GSTM3: variants seen among roughly 807,000 people sequenced by gnomAD.
GSTM3 encodes the protein glutathione S-transferase mu 3.
A neutral mutation model predicts 36.1 loss-of-function variants in GSTM3; 34 were observed. The ratio of observed to expected loss-of-function variants is 0.94; its 90% CI spans 0.72 to 1.25. The LOEUF is 1.25. Ranked by LOEUF, GSTM3 falls within the 50% of genes most tolerant of loss-of-function variation. The pLI is 0.00. For missense variants in GSTM3, 266 were observed against 281.6 expected (o/e 0.94, Z 0.40); for synonymous variants, 102 against 99.5 (o/e 1.03, Z -0.15).
chr1:109,738,588 T>C (rs553520372), intron 4 of GSTM3, among the ~76,000 whole-genome samples: 1 of 152,314 alleles, frequency 6.6e-6, no homozygotes, highest in Admixed American at 6.5e-5. Context: ...GTGCATGCCA[T>C]GGACCTTTTC....
chr1:109,738,056 A>C, intron 6 of GSTM3, 35 bp downstream of exon 6: 1 of 1,362,948 alleles, frequency 7.3e-7, no homozygotes, highest in Non-Finnish European at 1.1e-6. Flanking sequence ...TTTTTCTGAT[A>C]CTCCATTCAG....
chr1:109,737,796 A>G, intron 6 of GSTM3, 45 bp from the exon 7 acceptor site: 4 of 1,203,170 alleles, frequency 3.3e-6, no homozygotes, highest in Non-Finnish European at 4.8e-6. Context: ...TCATCTTTGT[A>G]GTTAATCAGG....
Position 109,735,298 on chromosome 1 carries a change from C to T in GSTM3, c.*1773G>A, listed in dbSNP as rs1224064064. The T allele has an allele frequency of 6.6e-6, 1 of 152,192 alleles. No homozygotes were observed. Among genetic ancestry groups the T allele is most frequent in the Non-Finnish European group, 1.5e-5 (1 of 68,098 alleles). The allele number at this position is 152,192 out of a possible 1,614,324, so 9.4% of individuals were successfully genotyped here. A position where few individuals can be genotyped will look rare whatever the true frequency, so the allele number is the denominator to read the frequency against. On this transcript the variant is annotated 3_prime_UTR_variant, in exon 9 of 9. Coordinates refer to ENST00000361066, the MANE Select transcript of GSTM3 (RefSeq NM_000849.5). ...TCAAGTGATCCTCCCACCTCAGCCT[C>T]CTGGGTAGCTGGGACTATGCATGAG...
At chr1:109,740,551 T>G in intron 1 of GSTM3, 40 bp from the exon 2 acceptor site, 1 of 515,232 alleles carries the variant, frequency 1.9e-6, no homozygotes, top group Non-Finnish European at 3.4e-6. Flanking sequence ...GGCTCCTCCC[T>G]TCCCCGCGGG....
Position 109,737,563 on chromosome 1 carries a change from G to T in GSTM3, c.473C>A (p.Thr158Asn), listed in dbSNP as rs1211474846. 1.2e-6 allele frequency: 2 copies of T among 1,607,928 alleles called. No individual in the cohort carries two copies. The highest frequency in any genetic ancestry group is 2.2e-5 in the East Asian group (1 of 44,874). Residue 158 changes from threonine (T) to asparagine (N), a missense_variant, in exon 8 of 9, where the codon ACC (threonine) becomes AAC (asparagine). Thr to Asn is a moderately conservative substitution (Grantham distance 65). Transcript: ENST00000361066. ...KFSWFAGEKL[T>N]FVDFLTYDIL... ...ATCATAGGTGAGAAAATCCACAAAG[G>T]TGAGCTAGAAGAAAAGCAATAAGAT... is the stretch of plus-strand genomic sequence containing the variant.
Position 109,738,274 on chromosome 1 carries a change from AC to A in GSTM3, c.271+10del, listed in dbSNP as rs1292161769. ...CAGCCTGGGGTCCCTCACCAGCCCTACCCCACTCACACATGTTGTGCTTGCG... is the reference window on the plus strand; with the variant it reads ...CAGCCTGGGGTCCCTCACCAGCCCTACCCACTCACACATGTTGTGCTTGCG... On this transcript the variant is annotated intron_variant, in intron 5 of 8. Transcript: ENST00000361066. 3 of 1,611,156 alleles carry A rather than the reference AC, an allele frequency of 1.9e-6. No individual in the cohort carries two copies. Among genetic ancestry groups the A allele is most frequent in the South Asian group, 2.2e-5 (2 of 91,028 alleles).
Position 109,733,990 on chromosome 1 carries a change from A to C in GSTM3, c.*3081T>G, listed in dbSNP as rs1649138123. 6.6e-6 allele frequency: 1 copy of C among 152,228 alleles called. No individual in the cohort carries two copies. The highest frequency in any genetic ancestry group is 6.5e-5 in the Admixed American group (1 of 15,284). The allele number at this position is 152,228 out of a possible 1,614,324, so 9.4% of individuals were successfully genotyped here. On this transcript the variant is annotated 3_prime_UTR_variant, in exon 9 of 9. Transcript: ENST00000361066. Reference sequence around the variant, plus strand: ...AAAAAGGAAAGCTCTCAGCAAAGACAGGGGTCTTGAAAGCAGGTTGCCAGT... The same window carrying C: ...AAAAAGGAAAGCTCTCAGCAAAGACCGGGGTCTTGAAAGCAGGTTGCCAGT...
rs1649267234 is a variant in GSTM3 at position 109,738,280 on chromosome 1, C to T, written c.271+5G>A. 5.0e-6 allele frequency: 8 copies of T among 1,612,622 alleles called. No homozygotes were observed. In the Admixed American group the frequency reaches 1.2e-4, roughly 24 times the overall value. ...GGGGTCCCTCACCAGCCCTACCCCACTCACACATGTTGTGCTTGCGAGCGA... is the reference window on the plus strand; with the variant it reads ...GGGGTCCCTCACCAGCCCTACCCCATTCACACATGTTGTGCTTGCGAGCGA... On this transcript the variant is annotated splice_donor_5th_base_variant and intron_variant, in intron 5 of 8. Transcript: ENST00000361066.
intron 4 of GSTM3, 75 bp from the exon 5 acceptor site, chr1:109,738,441 G>T: frequency 2.1e-6 from 2 of 956,014 alleles, no homozygotes; most frequent in Non-Finnish European, 3.4e-6. Flanking sequence ...CAGGGGAAAA[G>T]AACACTTGCA....
At chr1:109,738,714 A>G (rs1344225164) in intron 4 of GSTM3, among the ~76,000 whole-genome samples, 1 of 152,266 alleles carries the variant, frequency 6.6e-6, no homozygotes, top group African/African-American at 2.4e-5. Flanking sequence ...AATAGCAAGC[A>G]GATGTAATGA....
intron 2 of GSTM3, 107 bp from the exon 3 acceptor site, chr1:109,740,015 G>C (rs937843897): frequency 2.2e-5 from 23 of 1,041,590 alleles, no homozygotes; most frequent in Non-Finnish European, 2.6e-5. Context: ...TCCTGCCGGG[G>C]CGGTGGTTAA....
At chr1:109,739,365 A>G in intron 4 of GSTM3, 64 bp downstream of exon 4, 2 of 1,083,778 alleles carry the variant, frequency 1.8e-6, no homozygotes, top group Non-Finnish European at 2.8e-6. Context: ...GGCAGGAGAG[A>G]GGCAAGGATG....
In GSTM3 at chr1:109,734,867, G is replaced by A. The variant is rs1238293181; in HGVS notation, c.*2204C>T. The A allele has an allele frequency of 2.6e-5, 4 of 152,284 alleles. No individual in the cohort carries two copies. Among genetic ancestry groups the A allele is most frequent in the African/African-American group, 9.6e-5 (4 of 41,454 alleles). The allele number at this position is 152,284 out of a possible 1,614,324, so 9.4% of individuals were successfully genotyped here. A position where few individuals can be genotyped will look rare whatever the true frequency, so the allele number is the denominator to read the frequency against. On this transcript the variant is annotated 3_prime_UTR_variant, in exon 9 of 9. Transcript: ENST00000361066. ...GAGATCCTTGGCTTCTGGTCCATAG[G>A]GGATGGCAATCTGGCCCACAGGCCT...
At chr1:109,739,604 A>G (rs546295566) in intron 3 of GSTM3, 111 bp from the exon 4 acceptor site, 2 of 846,992 alleles carry the variant, frequency 2.4e-6, no homozygotes, top group African/African-American at 1.7e-5. Flanking sequence ...CCAGGCCCCA[A>G]AAGCATAACC....
intron 3 of GSTM3, 107 bp from the exon 4 acceptor site, chr1:109,739,600 C>T: frequency 1.2e-6 from 1 of 859,004 alleles, no homozygotes; most frequent in African/African-American, 1.7e-5. Flanking sequence ...ATTCCCAGGC[C>T]CCAAAAGCAT....
rs1218322874 is a variant in GSTM3 at position 109,735,627 on chromosome 1, TTGAA to T, written c.*1440_*1443del. On this transcript the variant is annotated 3_prime_UTR_variant, in exon 9 of 9. Coordinates refer to ENST00000361066, the MANE Select transcript of GSTM3 (RefSeq NM_000849.5). ...AGTGAACATCTTAGTATATGTCTCTTTGAATGTTTTTTTTTTTTTTTTTTTTTTT... is the reference window on the plus strand; with the variant it reads ...AGTGAACATCTTAGTATATGTCTCTTTGTTTTTTTTTTTTTTTTTTTTTTT... 1.3e-5 allele frequency: 2 copies of T among 149,680 alleles called. No individual in the cohort carries two copies. Among genetic ancestry groups the T allele is most frequent in the Non-Finnish European group, 3.0e-5 (2 of 67,640 alleles). 9.3% of individuals were successfully genotyped at this position (149,680 alleles called of 1,614,324 possible).
chr1:109,735,633 G>GAGTTTTTTTTTTTTTTTTTT lies in GSTM3; in HGVS notation c.*1437_*1438insAAAAAAAAAAAAAAAAAACT, dbSNP rs747271780. On this transcript the variant is annotated 3_prime_UTR_variant, in exon 9 of 9. Transcript: ENST00000361066. The stretch of plus-strand genomic sequence containing the variant: ...CATCTTAGTATATGTCTCTTTGAAT[G>GAGTTTTTTTTTTTTTTTTTT]TTTTTTTTTTTTTTTTTTTTTTTTT... 11 of 60,720 alleles carry GAGTTTTTTTTTTTTTTTTTT rather than the reference G, an allele frequency of 1.8e-4. 3 individuals carry two copies. Among genetic ancestry groups the GAGTTTTTTTTTTTTTTTTTT allele is most frequent in the Non-Finnish European group, 2.1e-4 (6 of 28,564 alleles). 3.8% of individuals were successfully genotyped at this position (60,720 alleles called of 1,614,324 possible).
chr1:109,737,625 G>A (rs771631688), intron 7 of GSTM3, 31 bp downstream of exon 7: 9 of 1,521,332 alleles, frequency 5.9e-6, no homozygotes, highest in Non-Finnish European at 7.2e-6. Context: ...CAGAGATAGA[G>A]AAGTATCCTC....
rs1350721992 is a variant in GSTM3 at position 109,740,425 on chromosome 1, G to A, written c.-138C>T. The A allele has an allele frequency of 7.0e-6, 5 of 714,738 alleles. No individual in the cohort carries two copies. The highest frequency in any genetic ancestry group is 1.2e-5 in the Non-Finnish European group (5 of 429,394). 44.3% of individuals were successfully genotyped at this position (714,738 alleles called of 1,614,324 possible). On this transcript the variant is annotated 5_prime_UTR_variant, in exon 2 of 9. Transcript: ENST00000361066. ...CCGTTCTCCGTCCCTTGCCTCCGCG[G>A]CTCCACAGGGCCGTGCGCAGGCGCG...
Sources: allele counts gnomAD v4.1 joint callset (sites outside exome capture counted in the v4.1 genomes callset), GRCh38; gene constraint gnomAD v4.1.1; transcripts MANE v1.5; gene names NCBI Gene and HGNC (gene_info 2026-07-23, HGNC 2026-07-21).